Variants in ICAM3 observed in about 807,000 individuals in gnomAD.
ICAM3 encodes the protein ICAM-3.
In ICAM3, 54 loss-of-function variants were observed where a neutral mutation model predicts 43.6. The observed-to-expected ratio is 1.24, with a 90% CI of 0.99 to 1.55. The LOEUF (loss-of-function observed/expected upper bound fraction) is 1.55, where lower values mean the gene tolerates loss of function less well. Among genes scored for constraint, ICAM3 ranks in the 40% most tolerant of loss-of-function variants. The probability of loss-of-function intolerance (pLI) is 0.00; values close to 1 mark genes in which losing one functional copy is unlikely to be tolerated. For missense variants in ICAM3, 715 were observed against 717.9 expected (o/e 1.00, Z 0.05); for synonymous variants, 306 against 312.6 (o/e 0.98, Z 0.22).
chr19:10,335,971 G>A lies in ICAM3; in HGVS notation c.349C>T (p.Pro117Ser), dbSNP rs1371696710. The change falls in exon 3 of 7, where the codon CCG becomes TCG. Residue 117 changes from proline to serine, a missense_variant. By Grantham distance (74) the Pro-to-Ser change is moderately conservative. Transcript: ENST00000160262. Reference protein sequence around the residue: ...GSSNITVYRLPERVELAPLPP... With the variant: ...GSSNITVYRLSERVELAPLPP... ...AGGGGTGCCAGCTCCACACGCTCCGGGAGCCCTGAGAGAGGAGGGGAGGAT... is the reference window on the plus strand; with the variant it reads ...AGGGGTGCCAGCTCCACACGCTCCGAGAGCCCTGAGAGAGGAGGGGAGGAT... The A allele has an allele frequency of 4.5e-6, 7 of 1,553,168 alleles. No homozygotes were observed. The African/African-American group carries it at 6.7e-5, about 15-fold the overall frequency.
Position 10,334,392 on chromosome 19 carries a change from G to T in ICAM3, c.1209C>A (p.Asp403Glu). 1 of 1,614,130 alleles carries T rather than the reference G, an allele frequency of 6.2e-7. No individual in the cohort carries two copies. Among genetic ancestry groups the T allele is most frequent in the Non-Finnish European group, 8.5e-7 (1 of 1,180,022 alleles). ...QLRVLYGPKI[D>E]RATCPQHLKW... is the part of the protein sequence containing the mutation. Reference sequence around the variant, plus strand: ...TCAAGTGCTGGGGGCATGTGGCTCGGTCAATTTTGGGACCATCTGTGGAAC... The same window carrying T: ...TCAAGTGCTGGGGGCATGTGGCTCGTTCAATTTTGGGACCATCTGTGGAAC... The change falls in exon 6 of 7, where the codon GAC becomes GAA. Residue 403 changes from aspartate to glutamate, a missense_variant. By Grantham distance (45) the Asp-to-Glu change is conservative. Coordinates refer to ENST00000160262, the MANE Select transcript of ICAM3 (RefSeq NM_002162.5). This position sits in a 1 kb window ranked among gnomAD's most constrained non-coding sequence, Gnocchi z 5.5.
In ICAM3 at chr19:10,335,920, T is replaced by G; in HGVS notation, c.400A>C (p.Asn134His). 6.3e-7 allele frequency: 1 copy of G among 1,589,082 alleles called. No homozygotes were observed. The highest frequency in any genetic ancestry group is 1.1e-5 in the South Asian group (1 of 88,796). ...TCCACTTGGCAGCGCAGGGTGAAGT[T>G]CTGGCCCACCGGCTGCCAAGGAGGC... ...PLPPWQPVGQNFTLRCQVEDG... is the reference protein window; with the variant it reads ...PLPPWQPVGQHFTLRCQVEDG... Residue 134 changes from asparagine to histidine, a missense_variant, in exon 3 of 7, where the codon AAC becomes CAC. By Grantham distance (68) the Asn-to-His change is moderately conservative (BLOSUM62 1). Coordinates refer to ENST00000160262, the MANE Select transcript of ICAM3 (RefSeq NM_002162.5).
rs770797192 is a variant in ICAM3, at chr19:10,335,231, G to C, written c.772C>G (p.Leu258Val). 2 of 1,613,822 alleles carry C rather than the reference G, an allele frequency of 1.2e-6. No individual in the cohort carries two copies. The highest frequency in any genetic ancestry group is 1.6e-4 in the Middle Eastern group (1 of 6,062). Reference sequence around the variant, plus strand: ...GTCGCATTCAGCATCTGGTCCCCCAGCGCCAGGTAGACCTGGGCCTCTGAG... The same window carrying C: ...GTCGCATTCAGCATCTGGTCCCCCACCGCCAGGTAGACCTGGGCCTCTGAG... The part of the protein sequence containing the change: ...PASEAQVYLA[L>V]GDQMLNATVM... Residue 258 changes from leucine to valine, a missense_variant, in exon 4 of 7, where the codon CTG (leucine) becomes GTG (valine). Physicochemically the swap from Leu to Val is conservative, Grantham distance 32. Coordinates refer to ENST00000160262, the MANE Select transcript of ICAM3 (RefSeq NM_002162.5).
intron 2 of ICAM3, among the ~76,000 whole-genome samples, chr19:10,337,119 G>A (rs7409490): frequency 0.86 from 129,942 of 151,152 alleles, 56,266 homozygotes; most frequent in African/African-American, 0.96. Context: ...TCAAAGAAAA[G>A]AAAAGTCAAA....
Position 10,334,547 on chromosome 19 carries a change from G to A in ICAM3, c.1173C>T (p.Ser391=). The part of the protein sequence containing the change: ...VDGEFLHRNS[S]VQLRVLYGPK... ...ACTCACACAGGACTCGCAGCTGGAC[G>A]CTACTGTTCCTGTGCAAGAACTCGC... is the stretch of plus-strand genomic sequence containing the variant. The change falls in exon 5 of 7, where the codon AGC becomes AGT. Residue 391 remains serine (S), a synonymous_variant. Transcript: ENST00000160262. This position sits in a 1 kb window ranked among gnomAD's most constrained non-coding sequence, Gnocchi z 5.5. The A allele has an allele frequency of 6.2e-7, 1 of 1,611,192 alleles. No homozygotes were observed. The highest frequency in any genetic ancestry group is 1.3e-5 in the African/African-American group (1 of 75,026).
Position 10,334,184 on chromosome 19 carries a change from G to A in ICAM3, c.1417C>T (p.Leu473=), listed in dbSNP as rs755495054. Residue 473 remains leucine, a synonymous_variant, in exon 6 of 7, where the codon CTG becomes TTG. Coordinates refer to ENST00000160262, the MANE Select transcript of ICAM3 (RefSeq NM_002162.5). This position sits in a 1 kb window ranked among gnomAD's most constrained non-coding sequence, Gnocchi z 5.5. ...QASSSRGKYT[L]VVVMDIEAGS... is the part of the protein sequence containing the mutation. The stretch of plus-strand genomic sequence containing the variant: ...CCCTCAATGTCCATCACCACGACCA[G>A]GGTGTATTTGCCTCGTGAGCTGGAC... 3.7e-6 allele frequency: 6 copies of A among 1,612,752 alleles called. No homozygotes were observed. The South Asian group carries it at 6.6e-5, about 18-fold the overall frequency.
Position 10,338,790 on chromosome 19 carries a change from C to G in ICAM3, c.235G>C (p.Gly79Arg). 1.2e-6 allele frequency: 2 copies of G among 1,614,144 alleles called. No homozygotes were observed. Among genetic ancestry groups the G allele is most frequent in the Non-Finnish European group, 1.7e-6 (2 of 1,180,018 alleles). Reference sequence around the variant, plus strand: ...TTGCTGAGATTGAAGGCTGCCCAGCCCATGCCACTGGCCACCAGCTCCTTT... The same window carrying G: ...TTGCTGAGATTGAAGGCTGCCCAGCGCATGCCACTGGCCACCAGCTCCTTT... ...LSKELVASGM[G>R]WAAFNLSNVT... is the part of the protein sequence containing the mutation. Residue 79 changes from glycine (G) to arginine (R), a missense_variant, in exon 2 of 7, where the codon GGC (glycine) becomes CGC (arginine). Transcript: ENST00000160262.
Position 10,335,801 on chromosome 19 carries a change from G to A in ICAM3, c.519C>T (p.Val173=), listed in dbSNP as rs2145098095. 1 of 1,612,568 alleles carries A rather than the reference G, an allele frequency of 6.2e-7. No individual in the cohort carries two copies. The highest frequency in any genetic ancestry group is 8.5e-7 in the Non-Finnish European group (1 of 1,179,824). ...RQPAVEEPAE[V]TATVLASRDD... ...CTCTGCTGGCCAGCACAGTGGCAGT[G>A]ACCTCCGCTGGCTCCTCCACTGCGG... is the stretch of plus-strand genomic sequence containing the variant. Residue 173 remains valine, a synonymous_variant, in exon 3 of 7, where the codon GTC becomes GTT. Transcript: ENST00000160262.
chr19:10,336,247 G>T lies in ICAM3; in HGVS notation c.344-271C>A, dbSNP rs982728647. 3 of 484,314 alleles carry T rather than the reference G, an allele frequency of 6.2e-6. No homozygotes were observed. In the Admixed American group the frequency reaches 1.0e-4, roughly 17 times the overall value. The allele number at this position is 484,314 out of a possible 1,614,324, so 30.0% of individuals were successfully genotyped here. On this transcript the variant is annotated intron_variant, in intron 2 of 6. Transcript: ENST00000160262. ...AATAAAAAAAAATGAGGATGGAAGG[G>T]ATGAACGTTTATGACTATGATATGA...
intron 3 of ICAM3, 77 bp from the exon 4 acceptor site, chr19:10,335,430 A>G: frequency 7.3e-7 from 1 of 1,370,122 alleles, no homozygotes; most frequent in South Asian, 1.4e-5. Context: ...CCCAGTCAGG[A>G]TATCTTGCTG....
chr19:10,335,644 C>T (rs765498351), intron 3 of ICAM3, 27 bp downstream of exon 3: 39 of 1,570,756 alleles, frequency 2.5e-5, no homozygotes, highest in Non-Finnish European at 3.4e-5. Context: ...CAGCTCGTCA[C>T]CCACCGTCTG....
rs561564962 is a variant in ICAM3, at chr19:10,335,233, G to A, written c.770C>T (p.Ala257Val). The change falls in exon 4 of 7, where the codon GCG becomes GTG. Residue 257 changes from alanine (A) to valine (V), a missense_variant. By Grantham distance (64) the Ala-to-Val change is moderately conservative. Transcript: ENST00000160262. ...CGCATTCAGCATCTGGTCCCCCAGC[G>A]CCAGGTAGACCTGGGCCTCTGAGGC... ...FPASEAQVYL[A>V]LGDQMLNATV... 4.2e-5 allele frequency: 67 copies of A among 1,613,808 alleles called. No homozygotes were observed. The South Asian group carries it at 6.9e-4, about 17-fold the overall frequency.
chr19:10,335,578 G>T (rs2040587637), intron 3 of ICAM3, 93 bp downstream of exon 3: 2 of 1,322,958 alleles, frequency 1.5e-6, no homozygotes, highest in Admixed American at 2.2e-5. Flanking sequence ...AGCCTGTGAG[G>T]TCCGGGGTAC....
At position 10,334,669 on chromosome 19, in the gene ICAM3, C is replaced by T. The variant is rs2040566054; in HGVS notation, c.1051G>A (p.Ala351Thr). The part of the protein sequence containing the change: ...RVQVTLDGVP[A>T]AAPGQPAQLQ... ...TGAGCTGGCTGCCCCGGGGCCGCGGCCGGAACTCCGTCCAGCGTGACCTGG... is the reference window on the plus strand; with the variant it reads ...TGAGCTGGCTGCCCCGGGGCCGCGGTCGGAACTCCGTCCAGCGTGACCTGG... Residue 351 changes from alanine to threonine, a missense_variant, in exon 5 of 7, where the codon GCC becomes ACC. Coordinates refer to ENST00000160262, the MANE Select transcript of ICAM3 (RefSeq NM_002162.5). The surrounding 1 kb of genome is among the most constrained non-coding windows in gnomAD (Gnocchi z 5.5). 1.2e-6 allele frequency: 2 copies of T among 1,613,192 alleles called. No individual in the cohort carries two copies. Among genetic ancestry groups the T allele is most frequent in the African/African-American group, 2.7e-5 (2 of 74,936 alleles).
In ICAM3 at chr19:10,333,781, G is replaced by C; in HGVS notation, c.*76C>G. 6.7e-7 allele frequency: 1 copy of C among 1,495,252 alleles called. No homozygotes were observed. Among genetic ancestry groups the C allele is most frequent in the East Asian group, 2.3e-5 (1 of 44,092 alleles). The allele number at this position is 1,495,252 out of a possible 1,614,324, so 92.6% of individuals were successfully genotyped here. A position where few individuals can be genotyped will look rare whatever the true frequency, so the allele number is the denominator to read the frequency against. ...GGGTGGAATCAAACCACAGATTAGG[G>C]AGTTTGAAGGCTTTATTGGTGCGGA... is the stretch of plus-strand genomic sequence containing the variant. On this transcript the variant is annotated 3_prime_UTR_variant, in exon 7 of 7. Coordinates refer to ENST00000160262, the MANE Select transcript of ICAM3 (RefSeq NM_002162.5). This position sits in a 1 kb window ranked among gnomAD's most constrained non-coding sequence, Gnocchi z 4.2.
chr19:10,335,336 G>C lies in ICAM3; in HGVS notation c.667C>G (p.Pro223Ala), dbSNP rs878913146. ...AAGAACCGGGGGGCCACGAGGCGCG[G>C]GGGGGTCACGGGCAGGACTGGGGAG... ...LRTFVLPVTP[P>A]RLVAPRFLEV... The change falls in exon 4 of 7, where the codon CCG (proline) becomes GCG (alanine). Residue 223 changes from proline (P) to alanine (A), a missense_variant. Transcript: ENST00000160262. 6.2e-7 allele frequency: 1 copy of C among 1,608,266 alleles called. No individual in the cohort carries two copies. Among genetic ancestry groups the C allele is most frequent in the South Asian group, 1.1e-5 (1 of 90,966 alleles).
chr19:10,339,487 T>C, intron 1 of ICAM3, 52 bp downstream of exon 1: 1 of 1,499,026 alleles, frequency 6.7e-7, no homozygotes, highest in Non-Finnish European at 9.3e-7. Context: ...TACCCTCTAC[T>C]GATCCCCAAA....
intron 1 of ICAM3, 170 bp from the exon 2 acceptor site, chr19:10,339,118 G>C (rs1171149994): frequency 1.5e-6 from 1 of 676,150 alleles, no homozygotes; most frequent in East Asian, 2.7e-5. Context: ...AACTCAGAAG[G>C]AGGCCAGAAG....
chr19:10,339,398 G>C (rs1466631951), intron 1 of ICAM3, 141 bp downstream of exon 1: 1 of 722,986 alleles, frequency 1.4e-6, no homozygotes, highest in Non-Finnish European at 2.3e-6. Context: ...TAAGGAACCA[G>C]AACTTTCTCC....
Sources: gnomAD v4.1 joint callset for allele counts (sites outside exome capture counted in the v4.1 genomes callset) on GRCh38, gnomAD v4.1.1 for gene constraint, Gnocchi (gnomAD v3.1) non-coding constraint, MANE v1.5 for transcripts, NCBI Gene and HGNC (gene_info 2026-07-23, HGNC 2026-07-21) for gene names.